ASB3: variants seen among roughly 807,000 people sequenced by gnomAD.
The protein encoded by ASB3 is ankyrin repeat and SOCS box protein 3.
In ASB3, 41 loss-of-function variants were observed where a neutral mutation model predicts 54.5. That is an observed-to-expected ratio of 0.75 (90% CI 0.59 to 0.98). The LOEUF is 0.98. ASB3 is among the 50% of genes least tolerant of loss of function. The pLI, the probability that ASB3 is intolerant of heterozygous loss-of-function variation, is 0.00. For synonymous variants in ASB3, 266 were observed against 221.2 expected (o/e 1.20, Z -1.80); for missense variants, 733 against 620.0 (o/e 1.18, Z -1.94).
At chr2:53,740,109 A>G (rs3821080) in intron 3 of ASB3, among the ~76,000 whole-genome samples, 27,118 of 152,178 alleles carry the variant, frequency 0.18, 2,702 homozygotes, top group African/African-American at 0.27. Context: ...GCTATGCAGA[A>G]ATCATCTATA....
chr2:53,676,296 C>A (rs1030337415), intron 9 of ASB3, among the ~76,000 whole-genome samples: 2 of 152,158 alleles, frequency 1.3e-5, no homozygotes, highest in Admixed American at 6.6e-5. Flanking sequence ...CTATACTAGC[C>A]TATGAATGAT....
At position 53,760,287 on chromosome 2, in the gene ASB3, G is replaced by A. The variant is rs149258485; in HGVS notation, c.196+5090C>T. Among the ~76,000 whole-genome samples, 1,113 of 152,284 alleles carry A rather than the reference G, an allele frequency of 7.3e-3. 24 individuals are homozygous for A. Among genetic ancestry groups the A allele is most frequent in the African/African-American group, 0.025 (1,054 of 41,548 alleles). ...GAGAGAAAGGGAATTCCTAACTTCCGAGGGAATACCTATCAAACATCAGGA... is the reference window on the plus strand; with the variant it reads ...GAGAGAAAGGGAATTCCTAACTTCCAAGGGAATACCTATCAAACATCAGGA... On this transcript the variant is annotated intron_variant, in intron 2 of 9. Coordinates refer to ENST00000263634, the MANE Select transcript of ASB3 (RefSeq NM_016115.5).
chr2:53,732,405 A>G lies in ASB3; in HGVS notation c.356-2835T>C, dbSNP rs1671371212. 2.0e-5 allele frequency among the ~76,000 whole-genome samples: 3 copies of G among 152,252 alleles called. No individual in the cohort carries two copies. In the East Asian group the frequency reaches 5.8e-4, roughly 29 times the overall value. On this transcript the variant is annotated intron_variant, in intron 3 of 9. Coordinates refer to ENST00000263634, the MANE Select transcript of ASB3 (RefSeq NM_016115.5). Reference sequence around the variant, plus strand: ...ATAAAAGGAAAAAAATCTGTTTCATATCAAATTCATACATCATTATCAGTG... The same window carrying G: ...ATAAAAGGAAAAAAATCTGTTTCATGTCAAATTCATACATCATTATCAGTG...
intron 5 of ASB3, among the ~76,000 whole-genome samples, chr2:53,724,897 A>G (rs563438312): frequency 6.6e-6 from 1 of 152,316 alleles, no homozygotes; most frequent in South Asian, 2.1e-4. Context: ...AGAACTTAAA[A>G]CTACCATTCA....
At chr2:53,710,289 T>A (rs1217030859) in intron 7 of ASB3, among the ~76,000 whole-genome samples, 1 of 152,260 alleles carries the variant, frequency 6.6e-6, no homozygotes, top group Non-Finnish European at 1.5e-5. Context: ...ATATCTTTCA[T>A]TTGGCTATGG....
chr2:53,694,031 T>C lies in ASB3; in HGVS notation c.1239-17A>G, dbSNP rs762852516. ...GAGTCAATCCTATGTTAGCAAGATGTTAATATAATATTAGAAACAAAACAT... is the reference window on the plus strand; with the variant it reads ...GAGTCAATCCTATGTTAGCAAGATGCTAATATAATATTAGAAACAAAACAT... On this transcript the variant is annotated splice_polypyrimidine_tract_variant and intron_variant, in intron 8 of 9. Transcript: ENST00000263634. 3.1e-6 allele frequency: 5 copies of C among 1,611,276 alleles called. No individual in the cohort carries two copies. The South Asian group carries it at 3.3e-5, about 11-fold the overall frequency.
chr2:53,778,616 A>G (rs1418923472), intron 1 of ASB3, among the ~76,000 whole-genome samples: 1 of 152,214 alleles, frequency 6.6e-6, no homozygotes, highest in East Asian at 1.9e-4. Context: ...TAGATTAAAT[A>G]TATAAGTAAG....
At chr2:53,734,209 G>A (rs972153423) in intron 3 of ASB3, among the ~76,000 whole-genome samples, 1 of 152,154 alleles carries the variant, frequency 6.6e-6, no homozygotes, top group African/African-American at 2.4e-5. Context: ...CACATTTTGG[G>A]GGGCCTGTTC....
At chr2:53,767,316 T>C (rs960179337) in intron 1 of ASB3, 1 of 152,304 alleles carries the variant, frequency 6.6e-6, no homozygotes, top group Non-Finnish European at 1.5e-5. Flanking sequence ...CTGCTTTTAT[T>C]TGAAAGGCAA....
chr2:53,766,788 CT>C (rs753125749), intron 1 of ASB3, among the ~76,000 whole-genome samples: 17 of 148,030 alleles, frequency 1.1e-4, no homozygotes, highest in South Asian at 2.1e-4. Flanking sequence ...AAAAGACTTG[CT>C]TTTTTTTTTG....
intron 1 of ASB3, among the ~76,000 whole-genome samples, chr2:53,768,999 T>A (rs1374683483): frequency 1.3e-5 from 2 of 152,210 alleles, no homozygotes; most frequent in Non-Finnish European, 2.9e-5. Context: ...TAGAAACCAT[T>A]CTATCTCAAC....
At chr2:53,687,930 C>T (rs867426122) in intron 9 of ASB3, among the ~76,000 whole-genome samples, 4 of 152,156 alleles carry the variant, frequency 2.6e-5, no homozygotes, top group South Asian at 2.1e-4. Context: ...ATCCTCCTGC[C>T]TATGCCTCCC....
chr2:53,772,382 G>C (rs1011125422), intron 1 of ASB3, among the ~76,000 whole-genome samples: 1 of 152,064 alleles, frequency 6.6e-6, no homozygotes, highest in South Asian at 2.1e-4. Flanking sequence ...CACCGTGTTA[G>C]CCAGGATGGT....
intron 1 of ASB3, among the ~76,000 whole-genome samples, chr2:53,784,680 C>T (rs1435417467): frequency 1.3e-5 from 2 of 152,196 alleles, no homozygotes; most frequent in Admixed American, 1.3e-4. Context: ...GGCATTCTCC[C>T]TGTGTGTCCA....
chr2:53,744,384 C>CAAAAAAAAAAA (rs779225958), intron 3 of ASB3, among the ~76,000 whole-genome samples: 1 of 139,874 alleles, frequency 7.1e-6, no homozygotes, highest in African/African-American at 2.8e-5. Context: ...GACTCTGTCT[C>CAAAAAAAAAAA]AAAAAAATAA....
intron 7 of ASB3, among the ~76,000 whole-genome samples, chr2:53,704,460 TTTAA>T (rs1669662485): frequency 6.6e-6 from 1 of 152,192 alleles, no homozygotes; most frequent in African/African-American, 2.4e-5. Flanking sequence ...CTGTAATTAA[TTTAA>T]TTAATTTTAG....
In ASB3 at chr2:53,767,774, C is replaced by T. The variant is rs1573000837; in HGVS notation, c.-13-2189G>A. The T allele has an allele frequency of 4.5e-6, 6 of 1,330,218 alleles. No individual in the cohort carries two copies. The Admixed American group carries it at 1.5e-4, about 32-fold the overall frequency. The allele number at this position is 1,330,218 out of a possible 1,614,324, so 82.4% of individuals were successfully genotyped here. On this transcript the variant is annotated intron_variant, in intron 1 of 9. Coordinates refer to ENST00000263634, the MANE Select transcript of ASB3 (RefSeq NM_016115.5). ...CCAGTGCGCTTTGCGCCCCAAGTGG[C>T]CATCGCGCCTGCGCCCCGCGCGGCC...
chr2:53,762,360 T>TTAAA (rs1673192480), intron 2 of ASB3, among the ~76,000 whole-genome samples: 1 of 152,110 alleles, frequency 6.6e-6, no homozygotes, highest in Non-Finnish European at 1.5e-5. Flanking sequence ...CACTTAGAGG[T>TTAAA]TAAAAAACCT....
chr2:53,774,201 A>G, intron 1 of ASB3: 3 of 1,613,812 alleles, frequency 1.9e-6, no homozygotes, highest in Non-Finnish European at 2.5e-6. Flanking sequence ...AAGTAAAAGC[A>G]TACCTTGACT....
Sources: allele counts gnomAD v4.1 joint callset (sites outside exome capture counted in the v4.1 genomes callset), GRCh38; gene constraint gnomAD v4.1.1; transcripts MANE v1.5; gene names NCBI Gene and HGNC (gene_info 2026-07-23, HGNC 2026-07-21).